PTPRM: variants seen among roughly 807,000 people sequenced by gnomAD.
The protein encoded by PTPRM is protein tyrosine phosphatase receptor type M, also known as receptor-type tyrosine-protein phosphatase mu.
In PTPRM, 47 loss-of-function variants were observed where a neutral mutation model predicts 186.7. That is an observed-to-expected ratio of 0.25 (90% confidence interval 0.20 to 0.32). The LOEUF is 0.32. PTPRM is among the 10% of genes least tolerant of loss of function. PTPRM has a pLI of 1.00. For missense variants in PTPRM, 1,494 were observed against 1,865.0 expected, an observed-to-expected ratio of 0.80 and a Z score of 3.66; for synonymous variants, 668 against 674.9, an observed-to-expected ratio of 0.99 and a Z score of 0.16.
At chr18:7,707,315 C>A (rs1307598923) in intron 1 of PTPRM, among the ~76,000 whole-genome samples, 1 of 152,000 alleles carries the variant, frequency 6.6e-6, no homozygotes, top group Non-Finnish European at 1.5e-5. Context: ...AATTGACATA[C>A]CGTGCCAGGT....
At chr18:7,643,937 A>C (rs1046352977) in intron 1 of PTPRM, among the ~76,000 whole-genome samples, 6 of 152,148 alleles carry the variant, frequency 3.9e-5, no homozygotes, top group African/African-American at 1.4e-4. Flanking sequence ...ATCAAGTTTT[A>C]AAAAAAGGTT....
Position 7,579,872 on chromosome 18 carries a change from T to C in PTPRM, c.73+11981T>C, listed in dbSNP as rs537174261. 3.3e-5 allele frequency among the ~76,000 whole-genome samples: 5 copies of C among 152,342 alleles called. No homozygotes were observed. The South Asian group carries it at 1.0e-3, about 32-fold the overall frequency. On this transcript the variant is annotated intron_variant, in intron 1 of 32. Transcript: ENST00000580170. ...ATTTGTCTTAGGTGCCCCATAAGGATGGACCAAAAGCTTGGTGCTTTGATT... is the reference window on the plus strand; with the variant it reads ...ATTTGTCTTAGGTGCCCCATAAGGACGGACCAAAAGCTTGGTGCTTTGATT...
intron 7 of PTPRM, among the ~76,000 whole-genome samples, chr18:7,980,716 C>T (rs984638973): frequency 1.3e-4 from 20 of 152,160 alleles, no homozygotes; most frequent in African/African-American, 4.8e-4. Context: ...ACATTCAGTC[C>T]TACCATTTCT....
At chr18:8,237,370 C>G (rs565054198) in intron 14 of PTPRM, among the ~76,000 whole-genome samples, 1 of 150,110 alleles carries the variant, frequency 6.7e-6, no homozygotes, top group South Asian at 2.1e-4. Flanking sequence ...CATTTTTCTT[C>G]TCTCTGAAGA....
At chr18:8,037,732 C>G (rs990557441) in intron 7 of PTPRM, among the ~76,000 whole-genome samples, 1 of 151,970 alleles carries the variant, frequency 6.6e-6, no homozygotes, top group Non-Finnish European at 1.5e-5. Flanking sequence ...CTGGGGTGCT[C>G]TCTAAAGGCT....
intron 27 of PTPRM, among the ~76,000 whole-genome samples, 164 bp downstream of exon 27, chr18:8,378,578 A>G (rs7236948): frequency 0.048 from 7,268 of 152,226 alleles, 595 homozygotes; most frequent in African/African-American, 0.17. Context: ...GGAGACGTCT[A>G]TGGTATCACC....
chr18:8,249,141 G>A (rs2094504364), intron 17 of PTPRM, among the ~76,000 whole-genome samples: 1 of 152,174 alleles, frequency 6.6e-6, no homozygotes, highest in African/African-American at 2.4e-5. Context: ...ACCCTCAGTT[G>A]TTCGACTTCT....
At chr18:8,399,590 A>G (rs901424478) in intron 32 of PTPRM, 1 of 152,246 alleles carries the variant, frequency 6.6e-6, no homozygotes, top group African/African-American at 2.4e-5. Context: ...AACATGTCCC[A>G]AGAGTTATCT....
At chr18:7,946,401 A>G (rs2052526928) in intron 5 of PTPRM, among the ~76,000 whole-genome samples, 1 of 152,220 alleles carries the variant, frequency 6.6e-6, no homozygotes, top group Non-Finnish European at 1.5e-5. Flanking sequence ...TTAGCAAACA[A>G]ATACTTACAG....
At chr18:7,785,904 T>C (rs1411608877) in intron 2 of PTPRM, among the ~76,000 whole-genome samples, 1 of 152,248 alleles carries the variant, frequency 6.6e-6, no homozygotes, top group Non-Finnish European at 1.5e-5. Flanking sequence ...TAAAGATTCT[T>C]ATCCTATTGG....
At position 7,892,250 on chromosome 18, in the gene PTPRM, T is replaced by A. The variant is rs1029359839; in HGVS notation, c.468+3873T>A. 6.6e-5 allele frequency among the ~76,000 whole-genome samples: 10 copies of A among 152,326 alleles called. No homozygotes were observed. The East Asian group carries it at 1.9e-3, about 29-fold the overall frequency. On this transcript the variant is annotated intron_variant, in intron 3 of 32. Transcript: ENST00000580170. ...CATCACAGCCTCCAGAGCCACAGTG[T>A]GCTGGTTTAGCGTGGCCTTGGCTGC...
intron 2 of PTPRM, among the ~76,000 whole-genome samples, chr18:7,830,888 T>A (rs2045727633): frequency 6.6e-6 from 1 of 152,218 alleles, no homozygotes; most frequent in Admixed American, 6.5e-5. Flanking sequence ...TTGATTTTTC[T>A]GTAGTCACTG....
At chr18:8,331,598 C>T (rs556890823) in intron 22 of PTPRM, among the ~76,000 whole-genome samples, 79 of 152,300 alleles carry the variant, frequency 5.2e-4, no homozygotes, top group African/African-American at 1.8e-3. Flanking sequence ...ACATATCTCT[C>T]AATAGCAGAG....
intron 22 of PTPRM, among the ~76,000 whole-genome samples, chr18:8,342,897 A>G (rs1430098543): frequency 7.4e-6 from 1 of 135,668 alleles, no homozygotes; most frequent in East Asian, 2.0e-4. Context: ...AACTGCTTAA[A>G]ACTCTTAACT....
chr18:7,657,453 A>G (rs2038877026), intron 1 of PTPRM, among the ~76,000 whole-genome samples: 1 of 152,210 alleles, frequency 6.6e-6, no homozygotes, highest in African/African-American at 2.4e-5. Context: ...GGTGCCATTT[A>G]ACAGTTTCTT....
chr18:7,916,059 T>C (rs1388599446), intron 4 of PTPRM, among the ~76,000 whole-genome samples: 1 of 152,162 alleles, frequency 6.6e-6, no homozygotes, highest in Non-Finnish European at 1.5e-5. Flanking sequence ...AGTGTGTATA[T>C]ATGGACATAA....
chr18:7,957,187 T>A (rs2053371825), intron 7 of PTPRM, among the ~76,000 whole-genome samples: 1 of 151,760 alleles, frequency 6.6e-6, no homozygotes, highest in Non-Finnish European at 1.5e-5. Flanking sequence ...TTTTTTTTTT[T>A]ACACATTTTT....
intron 19 of PTPRM, among the ~76,000 whole-genome samples, chr18:8,292,497 C>T (rs577975195): frequency 1.8e-4 from 28 of 152,274 alleles, no homozygotes; most frequent in Admixed American, 2.0e-4. Flanking sequence ...GGAACACTTA[C>T]GGAAAATGCA....
At chr18:7,837,880 G>A (rs962418024) in intron 2 of PTPRM, among the ~76,000 whole-genome samples, 1 of 152,186 alleles carries the variant, frequency 6.6e-6, no homozygotes, top group African/African-American at 2.4e-5. Context: ...TCCGGGCATG[G>A]AAGAGTTAGG....
Sources: gnomAD v4.1 joint callset for allele counts (sites outside exome capture counted in the v4.1 genomes callset) on GRCh38, gnomAD v4.1.1 for gene constraint, MANE v1.5 for transcripts, NCBI Gene and HGNC (gene_info 2026-07-23, HGNC 2026-07-21) for gene names.